NCAM2: variants seen among roughly 807,000 people sequenced by gnomAD.
The protein encoded by NCAM2 is neural cell adhesion molecule 2.
A neutral mutation model predicts 98.1 loss-of-function variants in NCAM2; 30 were observed. That is an observed-to-expected ratio of 0.31 (90% CI 0.23 to 0.41). The LOEUF is 0.41. Ranked by LOEUF, NCAM2 falls within the 10% of genes least tolerant of loss-of-function variation. The probability of loss-of-function intolerance (pLI) is 1.00; values close to 1 mark genes in which losing one functional copy is unlikely to be tolerated. For synonymous variants in NCAM2, 368 were observed against 342.4 expected, an observed-to-expected ratio of 1.07 and a Z score of -0.83; for missense variants, 867 against 1,005.8, an observed-to-expected ratio of 0.86 and a Z score of 1.87.
chr21:21,311,115 C>T (rs780861863), intron 5 of NCAM2, among the ~76,000 whole-genome samples: 1 of 152,268 alleles, frequency 6.6e-6, no homozygotes, highest in South Asian at 2.1e-4. Flanking sequence ...TCTACACAAA[C>T]ATATCAAGCT....
intron 9 of NCAM2, among the ~76,000 whole-genome samples, chr21:21,406,942 T>A (rs546416902): frequency 1.3e-5 from 2 of 152,298 alleles, no homozygotes; most frequent in East Asian, 3.9e-4. Context: ...TAGGCAAAAG[T>A]ATCTTTCCAC....
chr21:21,244,549 G>A (rs7279852), intron 1 of NCAM2, among the ~76,000 whole-genome samples: 150,907 of 152,202 alleles, frequency 0.99, 74,827 homozygotes, highest in East Asian at 1. Context: ...ATTATATATA[G>A]GCCACAGTTA....
chr21:21,113,873 T>G (rs1472936817), intron 1 of NCAM2, among the ~76,000 whole-genome samples: 1 of 152,196 alleles, frequency 6.6e-6, no homozygotes, highest in East Asian at 1.9e-4. Flanking sequence ...TATGGATATT[T>G]ATATTGTTAG....
chr21:21,238,759 G>A (rs1267230777), intron 1 of NCAM2, among the ~76,000 whole-genome samples: 1 of 152,092 alleles, frequency 6.6e-6, no homozygotes, highest in Non-Finnish European at 1.5e-5. Context: ...TTTCTTGTAA[G>A]TAATAAATTG....
intron 1 of NCAM2, among the ~76,000 whole-genome samples, chr21:21,254,894 TAGTTTGTG>T (rs1172120824): frequency 9.7e-6 from 1 of 102,994 alleles, no homozygotes; most frequent in African/African-American, 4.4e-5. Context: ...CACTGGATAA[TAGTTTGTG>T]TGTGTGTGTG....
intron 12 of NCAM2, among the ~76,000 whole-genome samples, chr21:21,455,208 G>A (rs1981947250): frequency 1.2e-5 from 1 of 82,872 alleles, no homozygotes; most frequent in African/African-American, 5.3e-5. Context: ...GAAACCTATT[G>A]GCAAAAAAAA....
chr21:21,509,230 C>G (rs1988203739), intron 16 of NCAM2, among the ~76,000 whole-genome samples, 175 bp downstream of exon 16: 1 of 152,044 alleles, frequency 6.6e-6, no homozygotes, highest in Non-Finnish European at 1.5e-5. Flanking sequence ...TATATATAAC[C>G]TAGAACAAAG....
At chr21:21,305,224 A>G (rs1356811993) in intron 5 of NCAM2, among the ~76,000 whole-genome samples, 1 of 152,170 alleles carries the variant, frequency 6.6e-6, no homozygotes, top group Non-Finnish European at 1.5e-5. Context: ...AGGCTGAGGC[A>G]TGAGAATTGC....
intron 12 of NCAM2, among the ~76,000 whole-genome samples, chr21:21,462,272 A>G (rs538887289): frequency 6.6e-6 from 1 of 152,156 alleles, no homozygotes; most frequent in East Asian, 1.9e-4. Flanking sequence ...GGGAGACTGT[A>G]ATTGCTTACG....
intron 8 of NCAM2, among the ~76,000 whole-genome samples, chr21:21,344,811 C>T (rs2075143867): frequency 6.6e-6 from 1 of 152,118 alleles, no homozygotes; most frequent in African/African-American, 2.4e-5. Context: ...GAGGTTACAA[C>T]AGGCCTTAGG....
At chr21:21,216,795 G>A (rs1011889605) in intron 1 of NCAM2, among the ~76,000 whole-genome samples, 1 of 152,164 alleles carries the variant, frequency 6.6e-6, no homozygotes, top group South Asian at 2.1e-4. Context: ...AAAATATGAA[G>A]AGAGTCTGCT....
At chr21:21,183,671 A>G (rs141155730) in intron 1 of NCAM2, among the ~76,000 whole-genome samples, 2 of 152,280 alleles carry the variant, frequency 1.3e-5, no homozygotes, top group East Asian at 3.9e-4. Context: ...ATTTCAATGT[A>G]TGAAATCCCA....
chr21:21,412,404 TGAG>T (rs2076905518), intron 10 of NCAM2, among the ~76,000 whole-genome samples: 1 of 101,186 alleles, frequency 9.9e-6, no homozygotes, highest in Non-Finnish European at 2.4e-5. Flanking sequence ...ATGGGCAGAG[TGAG>T]GAGGCGGGCA....
At position 21,526,008 on chromosome 21, in the gene NCAM2, A is replaced by G. The variant is rs117115322; in HGVS notation, c.2283-8529A>G. On this transcript the variant is annotated intron_variant, in intron 16 of 17. Coordinates refer to ENST00000400546, the MANE Select transcript of NCAM2 (RefSeq NM_004540.5). ...GGGGTGGACCTTCCTTAACTTAATA[A>G]AGGATATCTAAAAAACTACAACTTA... is the stretch of plus-strand genomic sequence containing the variant. Among the ~76,000 whole-genome samples the G allele has an allele frequency of 1.0e-2, 1,516 of 152,188 alleles. 15 individuals are homozygous for G. Among genetic ancestry groups the G allele is most frequent in the Non-Finnish European group, 0.014 (978 of 67,938 alleles).
At chr21:21,020,326 G>A (rs573040765) in intron 1 of NCAM2, among the ~76,000 whole-genome samples, 42 of 152,142 alleles carry the variant, frequency 2.8e-4, no homozygotes, top group African/African-American at 1.0e-3. Context: ...GTGAGCCACT[G>A]CACCCGGGTG....
Position 21,186,095 on chromosome 21 carries a change from G to GT in NCAM2, c.56-94475dup, listed in dbSNP as rs78278772. ...GAAGTAACTTTATAATGCATGAGGG[G>GT]TTTTTTTTGTTGTTAGAGGAGCATT... On this transcript the variant is annotated intron_variant, in intron 1 of 17. Coordinates refer to ENST00000400546, the MANE Select transcript of NCAM2 (RefSeq NM_004540.5). 3.5e-3 allele frequency among the ~76,000 whole-genome samples: 532 copies of GT among 151,658 alleles called. 25 individuals carry two copies. The South Asian group carries it at 0.088, about 25-fold the overall frequency.
intron 1 of NCAM2, among the ~76,000 whole-genome samples, chr21:21,188,607 A>G (rs1471290184): frequency 6.6e-6 from 1 of 152,174 alleles, no homozygotes; most frequent in Non-Finnish European, 1.5e-5. Flanking sequence ...CTGGACTAAA[A>G]GAAGTGCTTG....
intron 5 of NCAM2, among the ~76,000 whole-genome samples, chr21:21,297,227 T>C (rs1027910997): frequency 1.3e-5 from 2 of 151,784 alleles, no homozygotes; most frequent in Admixed American, 6.6e-5. Context: ...AGGACGTGCA[T>C]AAATTCATAG....
chr21:21,240,505 G>C (rs1369173753), intron 1 of NCAM2, among the ~76,000 whole-genome samples: 2 of 152,126 alleles, frequency 1.3e-5, no homozygotes, highest in Admixed American at 1.3e-4. Flanking sequence ...CTTTACCAGA[G>C]AGCCTCATGG....
Sources: allele counts gnomAD v4.1 joint callset (sites outside exome capture counted in the v4.1 genomes callset), GRCh38; gene constraint gnomAD v4.1.1; transcripts MANE v1.5; gene names NCBI Gene and HGNC (gene_info 2026-07-23, HGNC 2026-07-21).